The following KLRF2 variants were observed in gnomAD, a reference collection of about 807,000 sequenced individuals.
The protein encoded by KLRF2 is killer cell lectin like receptor F2, also known as killer cell lectin-like receptor subfamily F member 2.
Under a neutral mutation model 25.3 loss-of-function variants are expected in KLRF2, and 28 were observed. The ratio of observed to expected loss-of-function variants is 1.11; its 90% CI spans 0.82 to 1.52. The LOEUF is 1.52. KLRF2 is among the 40% of genes most tolerant of loss of function. KLRF2 has a pLI of 0.00. For synonymous variants in KLRF2, 73 were observed against 85.0 expected, an observed-to-expected ratio of 0.86 and a Z score of 0.78; for missense variants, 265 against 245.8, an observed-to-expected ratio of 1.08 and a Z score of -0.52.
At chr12:9,882,467 G>C (rs1030401308) in intron 1 of KLRF2, among the ~76,000 whole-genome samples, 5 of 152,206 alleles carry the variant, frequency 3.3e-5, no homozygotes, top group Admixed American at 2.6e-4. Context: ...GCAAAAACTA[G>C]TACCATTGGT....
intron 3 of KLRF2, among the ~76,000 whole-genome samples, chr12:9,891,855 G>T (rs1193685387): frequency 6.6e-6 from 1 of 151,930 alleles, no homozygotes; most frequent in East Asian, 1.9e-4. Flanking sequence ...ATTTCTAAAA[G>T]TAATTTTTAA....
chr12:9,890,294 T>C (rs1862660732), intron 3 of KLRF2, among the ~76,000 whole-genome samples: 3 of 152,222 alleles, frequency 2.0e-5, no homozygotes, highest in Non-Finnish European at 4.4e-5. Context: ...TACCTCACAG[T>C]TCCCACGAGT....
At position 9,893,168 on chromosome 12, in the gene KLRF2, G is replaced by A. The variant is rs1862706247; in HGVS notation, c.366G>A (p.Leu122=). The change falls in exon 4 of 6, where the codon CTG becomes CTA. Residue 122 remains leucine, a splice_region_variant and synonymous_variant. Transcript: ENST00000535540. The part of the protein sequence containing the change: ...HLLVIQNLDE[L]EFIQNSLKPG... ...TGGTGATTCAAAATTTGGATGAGCT[G>A]GTGAGAAATCAAAAACAGGATCTAA... The A allele has an allele frequency of 2.0e-6, 3 of 1,529,122 alleles. No individual in the cohort carries two copies. The East Asian group carries it at 7.4e-5, about 38-fold the overall frequency. 94.7% of individuals were successfully genotyped at this position (1,529,122 alleles called of 1,614,324 possible). A position where few individuals can be genotyped will look rare whatever the true frequency, so the allele number is the denominator to read the frequency against.
intron 3 of KLRF2, 54 bp downstream of exon 3, chr12:9,888,834 G>A (rs2136999654): frequency 1.2e-5 from 13 of 1,100,172 alleles, no homozygotes; most frequent in Non-Finnish European, 1.7e-5. Context: ...TTTAGTTTTG[G>A]CTTCCCTCTT....
chr12:9,893,166 C>T lies in KLRF2; in HGVS notation c.364C>T (p.Leu122=). The part of the protein sequence containing the change: ...HLLVIQNLDE[L]EFIQNSLKPG... ...ACTGGTGATTCAAAATTTGGATGAG[C>T]TGGTGAGAAATCAAAAACAGGATCT... The change falls in exon 4 of 6, where the codon CTG becomes TTG. Residue 122 remains leucine, a splice_region_variant and synonymous_variant. Transcript: ENST00000535540. 1 of 1,529,856 alleles carries T rather than the reference C, an allele frequency of 6.5e-7. No homozygotes were observed. Among genetic ancestry groups the T allele is most frequent in the Non-Finnish European group, 8.8e-7 (1 of 1,142,688 alleles). The allele number at this position is 1,529,856 out of a possible 1,614,324, so 94.8% of individuals were successfully genotyped here.
intron 1 of KLRF2, 131 bp from the exon 2 acceptor site, chr12:9,884,798 ATTTTT>A: frequency 2.7e-6 from 1 of 377,092 alleles, no homozygotes; most frequent in Non-Finnish European, 4.7e-6. Flanking sequence ...TAGACTTTTT[ATTTTT>A]AGATTTTCAT....
At chr12:9,882,290 A>G (rs909823055) in intron 1 of KLRF2, among the ~76,000 whole-genome samples, 1 of 152,188 alleles carries the variant, frequency 6.6e-6, no homozygotes, top group African/African-American at 2.4e-5. Flanking sequence ...TGTATTGAAC[A>G]TTCTCGTGTA....
chr12:9,892,483 AT>A (rs1862689048), intron 3 of KLRF2, among the ~76,000 whole-genome samples: 1 of 151,860 alleles, frequency 6.6e-6, no homozygotes, highest in South Asian at 2.1e-4. Context: ...GGGGATCAGA[AT>A]TCACAGGCTT....
At chr12:9,884,493 T>G (rs192068384) in intron 1 of KLRF2, among the ~76,000 whole-genome samples, 28 of 151,214 alleles carry the variant, frequency 1.9e-4, no homozygotes, top group Non-Finnish European at 2.8e-4. Context: ...GTCACTAAAT[T>G]GAATAACACA....
chr12:9,892,119 T>A (rs1862683444), intron 3 of KLRF2, among the ~76,000 whole-genome samples: 1 of 152,218 alleles, frequency 6.6e-6, no homozygotes, highest in Admixed American at 6.5e-5. Context: ...AGCAAATGTA[T>A]CAATTATGAT....
At chr12:9,891,318 TTTC>T (rs1271896359) in intron 3 of KLRF2, among the ~76,000 whole-genome samples, 1 of 152,192 alleles carries the variant, frequency 6.6e-6, no homozygotes. Flanking sequence ...TCATCCTGTA[TTTC>T]TTCTTCTTTT....
intron 5 of KLRF2, 72 bp downstream of exon 5, chr12:9,893,613 C>T: frequency 1.8e-6 from 1 of 541,230 alleles, no homozygotes; most frequent in Non-Finnish European, 3.1e-6. Context: ...TCTTCACTTT[C>T]CATTCTTTTT....
intron 3 of KLRF2, among the ~76,000 whole-genome samples, chr12:9,890,577 C>A (rs1183951923): frequency 6.6e-6 from 1 of 152,180 alleles, no homozygotes; most frequent in Admixed American, 6.5e-5. Context: ...AAGCTGAATT[C>A]TTTAAAGGCA....
intron 5 of KLRF2, among the ~76,000 whole-genome samples, chr12:9,895,456 G>C (rs1225178379): frequency 6.6e-6 from 1 of 152,234 alleles, no homozygotes; most frequent in African/African-American, 2.4e-5. Flanking sequence ...AGAGGTTTGA[G>C]AGGTAAGGAA....
Position 9,885,082 on chromosome 12 carries a change from G to T in KLRF2, c.169+50G>T, listed in dbSNP as rs964593617. On this transcript the variant is annotated intron_variant, in intron 2 of 5. Coordinates refer to ENST00000535540, the MANE Select transcript of KLRF2 (RefSeq NM_001190765.1). ...TGAACATTTTCAGAAGATAAATGTTGATCCTTCATTCCTCTTAATGCCAAG... is the reference window on the plus strand; with the variant it reads ...TGAACATTTTCAGAAGATAAATGTTTATCCTTCATTCCTCTTAATGCCAAG... The T allele has an allele frequency of 3.0e-5, 19 of 628,490 alleles. No individual in the cohort carries two copies. The East Asian group carries it at 6.3e-4, about 21-fold the overall frequency. 38.9% of individuals were successfully genotyped at this position (628,490 alleles called of 1,614,324 possible).
At chr12:9,894,124 CTT>C (rs757304048) in intron 5 of KLRF2, among the ~76,000 whole-genome samples, 1 of 94,460 alleles carries the variant, frequency 1.1e-5, no homozygotes, top group South Asian at 5.3e-4. Flanking sequence ...TCTTTCTTTT[CTT>C]TCTCTCTCTC....
At chr12:9,888,000 G>A (rs1316565230) in intron 2 of KLRF2, among the ~76,000 whole-genome samples, 2 of 141,370 alleles carry the variant, frequency 1.4e-5, no homozygotes, top group East Asian at 4.5e-4. Context: ...ATGTTGCAGT[G>A]AGCCATGATG....
intron 2 of KLRF2, among the ~76,000 whole-genome samples, chr12:9,886,763 C>CAAAAAA (rs770999069): frequency 1.9e-5 from 2 of 103,504 alleles, no homozygotes; most frequent in Non-Finnish European, 3.8e-5. Context: ...CTATATCATG[C>CAAAAAA]AAAAAAAAAA....
rs79369815 is a variant in KLRF2, at chr12:9,891,412, T to C, written c.218-1608T>C. ...TCCACATCTTGCATCTTCTGGTGTT[T>C]TACAATGCTACACTCATCATTTGGA... is the stretch of plus-strand genomic sequence containing the variant. On this transcript the variant is annotated intron_variant, in intron 3 of 5. Coordinates refer to ENST00000535540, the MANE Select transcript of KLRF2 (RefSeq NM_001190765.1). 2.6e-5 allele frequency among the ~76,000 whole-genome samples: 4 copies of C among 152,346 alleles called. No individual in the cohort carries two copies. In the East Asian group the frequency reaches 7.7e-4, roughly 29 times the overall value.
Sources: allele counts gnomAD v4.1 joint callset (sites outside exome capture counted in the v4.1 genomes callset), GRCh38; gene constraint gnomAD v4.1.1; transcripts MANE v1.5; gene names NCBI Gene and HGNC (gene_info 2026-07-23, HGNC 2026-07-21).